Variants in FAAP100 observed in about 807,000 individuals in gnomAD.
FAAP100 encodes Fanconi anemia core complex-associated protein 100.
Under a neutral mutation model 65.8 loss-of-function variants are expected in FAAP100, and 46 were observed. The ratio of observed to expected loss-of-function variants is 0.70; its 90% CI spans 0.55 to 0.89. The LOEUF is 0.89. Ranked by LOEUF, FAAP100 falls within the 40% of genes least tolerant of loss-of-function variation. The pLI, the probability that FAAP100 is intolerant of heterozygous loss-of-function variation, is 0.00. For synonymous variants in FAAP100, 663 were observed against 555.1 expected (o/e 1.19, Z -2.73); for missense variants, 1,165 against 1,196.7 (o/e 0.97, Z 0.39).
intron 4 of FAAP100, chr17:81,548,205 A>G: frequency 1.7e-6 from 1 of 588,118 alleles, no homozygotes; most frequent in Non-Finnish European, 3.0e-6. Flanking sequence ...GGAGCAGGGG[A>G]GGCTGCGCGC....
chr17:81,551,954 C>T lies in FAAP100; in HGVS notation c.264G>A (p.Leu88=). 1 of 1,564,910 alleles carries T rather than the reference C, an allele frequency of 6.4e-7. No individual in the cohort carries two copies. Among genetic ancestry groups the T allele is most frequent in the Non-Finnish European group, 8.6e-7 (1 of 1,164,440 alleles). ...TGCTCCTGCCCGGGTGGTCCAGCGACAGGCAGTAGAGGCCCCTCCGGGCGC... is the reference window on the plus strand; with the variant it reads ...TGCTCCTGCCCGGGTGGTCCAGCGATAGGCAGTAGAGGCCCCTCCGGGCGC... ...ALCARRGLYC[L]SLDHPGRSRS... is the part of the protein sequence containing the mutation. Residue 88 remains leucine (L), a synonymous_variant, in exon 2 of 9, where the codon CTG becomes CTA. Transcript: ENST00000327787.
intron 5 of FAAP100, chr17:81,546,443 C>T (rs2033303705): frequency 6.2e-6 from 1 of 160,948 alleles, no homozygotes; most frequent in Non-Finnish European, 1.3e-5. Context: ...GCAGCTGCCT[C>T]CCTCCCCGGG....
In FAAP100 at chr17:81,540,806, C is replaced by A; in HGVS notation, c.*13G>T. 1 of 1,506,520 alleles carries A rather than the reference C, an allele frequency of 6.6e-7. No individual in the cohort carries two copies. Among genetic ancestry groups the A allele is most frequent in the Non-Finnish European group, 8.9e-7 (1 of 1,126,284 alleles). 93.3% of individuals were successfully genotyped at this position (1,506,520 alleles called of 1,614,324 possible). A position where few individuals can be genotyped will look rare whatever the true frequency, so the allele number is the denominator to read the frequency against. On this transcript the variant is annotated 3_prime_UTR_variant, in exon 9 of 9. Transcript: ENST00000327787. Reference sequence around the variant, plus strand: ...TGGAAGCGTGGCCAGAGCCCAGGGGCAGGCCCGCCTGGTCACAGCAGGATG... The same window carrying A: ...TGGAAGCGTGGCCAGAGCCCAGGGGAAGGCCCGCCTGGTCACAGCAGGATG...
rs747224229 is a variant in FAAP100 at position 81,550,477 on chromosome 17, C to G, written c.1017G>C (p.Arg339=). ...GCACAGGGCCTGGGAGGCAGTACTC[C>G]CGCAGCTCGGGCACCAGCTTCCCGG... ...DESGKLVPEL[R]EYCLPGPVLC... The change falls in exon 3 of 9, where the codon CGG becomes CGC. Residue 339 remains arginine, a synonymous_variant. Coordinates refer to ENST00000327787, the MANE Select transcript of FAAP100 (RefSeq NM_025161.6). 1 of 1,612,428 alleles carries G rather than the reference C, an allele frequency of 6.2e-7. No homozygotes were observed. The highest frequency in any genetic ancestry group is 1.3e-5 in the African/African-American group (1 of 74,928).
At position 81,545,882 on chromosome 17, in the gene FAAP100, C is replaced by T. The variant is rs199924077; in HGVS notation, c.2174G>A (p.Gly725Asp). ...CAGGGTGGCACAGCACAGGGGCACG[C>T]CTGGAGGGGAGGCATCAGCCGAGAG... ...LRAALKDGHS[G>D]VPLCCATLQW... Residue 725 changes from glycine (G) to aspartate (D), a missense_variant and splice_region_variant, in exon 6 of 9, where the codon GGC becomes GAC. Coordinates refer to ENST00000327787, the MANE Select transcript of FAAP100 (RefSeq NM_025161.6). 1.4e-4 allele frequency: 221 copies of T among 1,605,030 alleles called. No individual in the cohort carries two copies. The Middle Eastern group carries it at 3.0e-3, about 22-fold the overall frequency.
intron 4 of FAAP100, chr17:81,548,137 C>A (rs2033376638): frequency 1.7e-5 from 10 of 605,374 alleles, no homozygotes; most frequent in Non-Finnish European, 3.0e-5. Flanking sequence ...CAGCCCTAAA[C>A]CACAGGGACC....
Position 81,540,186 on chromosome 17 carries a change from G to A in FAAP100, c.*633C>T, listed in dbSNP as rs755052620. 1.3e-5 allele frequency: 5 copies of A among 398,924 alleles called. No individual in the cohort carries two copies. Among genetic ancestry groups the A allele is most frequent in the East Asian group, 7.1e-5 (2 of 28,088 alleles). 24.7% of individuals were successfully genotyped at this position (398,924 alleles called of 1,614,324 possible). ...TGAGCATTCCGGCCACAGGCCACCCGCTGGCCCTTCCTTGGTGTGGCACGA... is the reference window on the plus strand; with the variant it reads ...TGAGCATTCCGGCCACAGGCCACCCACTGGCCCTTCCTTGGTGTGGCACGA... On this transcript the variant is annotated 3_prime_UTR_variant, in exon 9 of 9. Transcript: ENST00000327787.
rs1276262755 is a variant in FAAP100, at chr17:81,540,582, G to A, written c.*237C>T. 4.1e-6 allele frequency: 2 copies of A among 490,380 alleles called. No individual in the cohort carries two copies. The highest frequency in any genetic ancestry group is 3.3e-5 in the East Asian group (1 of 30,642). The allele number at this position is 490,380 out of a possible 1,614,324, so 30.4% of individuals were successfully genotyped here. ...CAGAGAAGGAGAGACACCAGCAGAG[G>A]ACGCGAAGCTGGACCGGCCAGGTTC... On this transcript the variant is annotated 3_prime_UTR_variant, in exon 9 of 9. Transcript: ENST00000327787.
Position 81,545,676 on chromosome 17 carries a change from A to C in FAAP100, c.2310+70T>G, listed in dbSNP as rs1022047300. ...CCACCCAGGGTGAGGGGTCCTCCCG[A>C]GCTCCGGCCCAGGGGCCCCACCCCA... On this transcript the variant is annotated intron_variant, in intron 6 of 8. Transcript: ENST00000327787. 55 of 1,535,588 alleles carry C rather than the reference A, an allele frequency of 3.6e-5. No individual in the cohort carries two copies. The East Asian group carries it at 1.3e-3, about 35-fold the overall frequency.
At chr17:81,550,158 A>G (rs79415286) in intron 3 of FAAP100, 90 bp downstream of exon 3, 125,690 of 1,260,934 alleles carry the variant, frequency 0.1, 6,872 homozygotes, top group Middle Eastern at 0.15. Flanking sequence ...GAACAAGCCC[A>G]GGAAAGGAAG....
intron 8 of FAAP100, 108 bp from the exon 9 acceptor site, chr17:81,541,058 G>A: frequency 7.3e-7 from 1 of 1,373,992 alleles, no homozygotes; most frequent in Non-Finnish European, 9.7e-7. Flanking sequence ...GAAGTGGCAG[G>A]TGGTCCGAGG....
In FAAP100 at chr17:81,550,841, A is replaced by AAGCCCCCGG. The variant is rs761113380; in HGVS notation, c.644_652dup (p.Ser215_Gly217dup). The AAGCCCCCGG allele has an allele frequency of 1.2e-6, 2 of 1,612,040 alleles. No homozygotes were observed. The highest frequency in any genetic ancestry group is 2.2e-5 in the South Asian group (2 of 90,990). Reference sequence around the variant, plus strand: ...CCCGAAGAGGGCGTCCTCCAGCGTGAAGCCCCCGGAGCCCCCGAGGAGGTC... The same window carrying AAGCCCCCGG: ...CCCGAAGAGGGCGTCCTCCAGCGTGAAGCCCCCGGAGCCCCCGGAGCCCCCGAGGAGGTC... On this transcript the variant is annotated inframe_insertion, in exon 3 of 9. Transcript: ENST00000327787.
In FAAP100 at chr17:81,540,142, GCTGGAGGCACCTAGTTGTTGAGCATT is replaced by G; in HGVS notation, c.*651_*676del. ...GTGCACAGTGCTGGGTACTGCCCCGGCTGGAGGCACCTAGTTGTTGAGCATTCCGGCCACAGGCCACCCGCTGGCCC... is the reference window on the plus strand; with the variant it reads ...GTGCACAGTGCTGGGTACTGCCCCGGCCGGCCACAGGCCACCCGCTGGCCC... On this transcript the variant is annotated 3_prime_UTR_variant, in exon 9 of 9. Coordinates refer to ENST00000327787, the MANE Select transcript of FAAP100 (RefSeq NM_025161.6). 2 of 398,636 alleles carry G rather than the reference GCTGGAGGCACCTAGTTGTTGAGCATT, an allele frequency of 5.0e-6. No homozygotes were observed. The highest frequency in any genetic ancestry group is 3.6e-5 in the East Asian group (1 of 28,032). 24.7% of individuals were successfully genotyped at this position (398,636 alleles called of 1,614,324 possible). A position where few individuals can be genotyped will look rare whatever the true frequency, so the allele number is the denominator to read the frequency against.
Position 81,540,480 on chromosome 17 carries a change from T to C in FAAP100, c.*339A>G. ...GTCCAGAATGCCCTGCACTGCCTCCTGGCCTCAGGGGCTGCTGCGGTGGTG... is the reference window on the plus strand; with the variant it reads ...GTCCAGAATGCCCTGCACTGCCTCCCGGCCTCAGGGGCTGCTGCGGTGGTG... On this transcript the variant is annotated 3_prime_UTR_variant, in exon 9 of 9. Coordinates refer to ENST00000327787, the MANE Select transcript of FAAP100 (RefSeq NM_025161.6). 2.4e-6 allele frequency: 1 copy of C among 409,782 alleles called. No homozygotes were observed. The highest frequency in any genetic ancestry group is 4.3e-6 in the Non-Finnish European group (1 of 232,340). 25.4% of individuals were successfully genotyped at this position (409,782 alleles called of 1,614,324 possible). A position where few individuals can be genotyped will look rare whatever the true frequency, so the allele number is the denominator to read the frequency against.
intron 6 of FAAP100, among the ~76,000 whole-genome samples, chr17:81,544,689 GCA>G (rs2033236239): frequency 6.6e-6 from 1 of 152,208 alleles, no homozygotes; most frequent in Non-Finnish European, 1.5e-5. Context: ...GGCTTATTCT[GCA>G]CACACAGCAC....
intron 2 of FAAP100, chr17:81,551,590 G>A: frequency 1.1e-6 from 1 of 943,190 alleles, no homozygotes; most frequent in South Asian, 3.3e-5. Flanking sequence ...CTGACTCGGG[G>A]TCACGGTGCC....
At chr17:81,545,719 G>A in intron 6 of FAAP100, 27 bp downstream of exon 6, 1 of 1,596,918 alleles carries the variant, frequency 6.3e-7, no homozygotes, top group Non-Finnish European at 8.5e-7. Context: ...CTGGTGCCGT[G>A]GCTCGTTTCC....
chr17:81,549,552 C>T (rs559960648), intron 3 of FAAP100, among the ~76,000 whole-genome samples, 190 bp from the exon 4 acceptor site: 1 of 152,384 alleles, frequency 6.6e-6, no homozygotes, highest in South Asian at 2.1e-4. Flanking sequence ...CCCCGAGCCA[C>T]GCCATCTCTG....
At chr17:81,541,154 G>A (rs1440212896) in intron 8 of FAAP100, among the ~76,000 whole-genome samples, 155 bp downstream of exon 8, 1 of 152,212 alleles carries the variant, frequency 6.6e-6, no homozygotes, top group Non-Finnish European at 1.5e-5. Flanking sequence ...GGGGCAGGAA[G>A]AGCCATGGCC....
Sources: allele counts gnomAD v4.1 joint callset (sites outside exome capture counted in the v4.1 genomes callset), GRCh38; gene constraint gnomAD v4.1.1; transcripts MANE v1.5; gene names NCBI Gene and HGNC (gene_info 2026-07-23, HGNC 2026-07-21).